The following SLIT1 variants were observed in gnomAD, a reference collection of about 807,000 sequenced individuals.
SLIT1 encodes the protein slit guidance ligand 1, also known as slit homolog 1 protein.
A neutral mutation model predicts 186.1 loss-of-function variants in SLIT1; 66 were observed. That is an observed-to-expected ratio of 0.35 (90% CI 0.29 to 0.44). The LOEUF is 0.44. Ranked by LOEUF, SLIT1 falls within the 20% of genes least tolerant of loss-of-function variation. The probability of loss-of-function intolerance (pLI) is 1.00; values close to 1 mark genes in which losing one functional copy is unlikely to be tolerated. For synonymous variants in SLIT1, 761 were observed against 833.8 expected, an observed-to-expected ratio of 0.91 and a Z score of 1.50; for missense variants, 1,638 against 2,037.4, an observed-to-expected ratio of 0.80 and a Z score of 3.77.
chr10:97,116,370 G>T (rs1315670271), intron 4 of SLIT1, among the ~76,000 whole-genome samples: 1 of 152,136 alleles, frequency 6.6e-6, no homozygotes, highest in Non-Finnish European at 1.5e-5. Context: ...AGGATTCCAG[G>T]TTCTTCCTCC....
chr10:97,146,565 C>CCT (rs1554853594), intron 4 of SLIT1, among the ~76,000 whole-genome samples: 116 of 151,906 alleles, frequency 7.6e-4, no homozygotes, highest in African/African-American at 2.6e-3. Context: ...CCCAGCCCCC[C>CCT]CCACTGAACA....
At chr10:97,011,745 A>G (rs960651717) in intron 30 of SLIT1, among the ~76,000 whole-genome samples, 1 of 151,980 alleles carries the variant, frequency 6.6e-6, no homozygotes, top group Non-Finnish European at 1.5e-5. Context: ...CCTTTCTAGT[A>G]ATGGCCTTGC....
At chr10:97,033,241 G>A (rs531468677) in intron 23 of SLIT1, among the ~76,000 whole-genome samples, 1 of 151,944 alleles carries the variant, frequency 6.6e-6, no homozygotes, top group Non-Finnish European at 1.5e-5. Flanking sequence ...TTTTGGCTTG[G>A]GCCCACATTC....
In SLIT1 at chr10:97,043,815, C is replaced by T. The variant is rs952672292; in HGVS notation, c.1854-302G>A. ...GCCCTGGGTGCCCAGAGTTCCTGCC[C>T]GTCTTTAGGCCATGCTCCACATCAG... is the stretch of plus-strand genomic sequence containing the variant. On this transcript the variant is annotated intron_variant, in intron 18 of 36. Transcript: ENST00000266058. This position sits in a 1 kb window ranked among gnomAD's most constrained non-coding sequence, Gnocchi z 7.0. 2.0e-5 allele frequency among the ~76,000 whole-genome samples: 3 copies of T among 152,210 alleles called. No homozygotes were observed. Among genetic ancestry groups the T allele is most frequent in the East Asian group, 1.9e-4 (1 of 5,198 alleles).
At chr10:97,154,729 C>G (rs931956699) in intron 4 of SLIT1, 4 of 152,244 alleles carry the variant, frequency 2.6e-5, no homozygotes, top group African/African-American at 9.6e-5. Context: ...TTCTGCCTCC[C>G]AGCCCCATAG....
At chr10:97,059,568 CCCT>C in intron 10 of SLIT1, 37 bp from the exon 11 acceptor site, 1 of 1,518,002 alleles carries the variant, frequency 6.6e-7, no homozygotes, top group Non-Finnish European at 9.1e-7. Context: ...GCATCTGAAT[CCCT>C]CAACAGCCAC....
intron 14 of SLIT1, 143 bp downstream of exon 14, chr10:97,048,812 C>G: frequency 1.3e-6 from 1 of 763,902 alleles, no homozygotes; most frequent in Non-Finnish European, 2.2e-6. Flanking sequence ...GGCAGGTATG[C>G]AGGTGGACAG....
intron 4 of SLIT1, among the ~76,000 whole-genome samples, chr10:97,151,102 T>C (rs1039606800): frequency 5.3e-5 from 8 of 152,102 alleles, no homozygotes; most frequent in African/African-American, 1.9e-4. Flanking sequence ...CAAAGAGCAC[T>C]GATGACAGAC....
At chr10:97,011,224 C>T in intron 30 of SLIT1, 94 bp from the exon 31 acceptor site, 2 of 839,300 alleles carry the variant, frequency 2.4e-6, no homozygotes, top group Non-Finnish European at 3.9e-6. Flanking sequence ...ACAGTCTGTA[C>T]ATGTGAGGGA....
At chr10:97,019,706 C>T (rs1848486314) in intron 26 of SLIT1, among the ~76,000 whole-genome samples, 1 of 152,158 alleles carries the variant, frequency 6.6e-6, no homozygotes, top group Non-Finnish European at 1.5e-5. Flanking sequence ...CTCCAGGATG[C>T]ACTGGTTGTA....
intron 13 of SLIT1, 117 bp downstream of exon 13, chr10:97,056,204 G>T: frequency 1.7e-6 from 2 of 1,146,058 alleles, no homozygotes; most frequent in East Asian, 2.5e-5. Context: ...TCTGTAAGAG[G>T]CCACCCCCAG....
At chr10:97,140,046 G>A (rs960604160) in intron 4 of SLIT1, among the ~76,000 whole-genome samples, 2 of 152,112 alleles carry the variant, frequency 1.3e-5, no homozygotes, top group African/African-American at 4.8e-5. Context: ...CTTGCAGGGT[G>A]ATGAAACCCC....
intron 1 of SLIT1, among the ~76,000 whole-genome samples, chr10:97,171,209 AAG>A (rs374636269): frequency 6.6e-6 from 1 of 152,246 alleles, no homozygotes; most frequent in African/African-American, 2.4e-5. Flanking sequence ...AAACGGAGGA[AAG>A]AAAGAACTTC....
chr10:97,009,180 C>T (rs1294246434), intron 31 of SLIT1, among the ~76,000 whole-genome samples: 6 of 152,052 alleles, frequency 3.9e-5, no homozygotes, highest in Non-Finnish European at 8.8e-5. Flanking sequence ...CCCAGCCAGC[C>T]AAAACAATCT....
chr10:97,034,376 C>T (rs931984734), intron 23 of SLIT1, 95 bp downstream of exon 23: 34 of 890,818 alleles, frequency 3.8e-5, no homozygotes, highest in African/African-American at 3.6e-4. Flanking sequence ...CGTCTGCAGG[C>T]GAGGGATCTG....
intron 4 of SLIT1, among the ~76,000 whole-genome samples, chr10:97,152,693 G>C (rs79669721): frequency 6.6e-6 from 1 of 152,072 alleles, no homozygotes; most frequent in African/African-American, 2.4e-5. Context: ...TACCGTAAAC[G>C]TAACACATGC....
At chr10:97,169,267 G>A (rs1247517612) in intron 1 of SLIT1, among the ~76,000 whole-genome samples, 1 of 152,162 alleles carries the variant, frequency 6.6e-6, no homozygotes, top group African/African-American at 2.4e-5. Flanking sequence ...TCCTCTCAGG[G>A]GAGAGCCCCT....
chr10:97,185,193 G>A (rs1850394414), intron 1 of SLIT1, among the ~76,000 whole-genome samples: 1 of 152,268 alleles, frequency 6.6e-6, no homozygotes, highest in African/African-American at 2.4e-5. Flanking sequence ...ATAAAGCGCT[G>A]GCGCAGTGAG....
chr10:97,168,076 G>T (rs1390012442), intron 1 of SLIT1, among the ~76,000 whole-genome samples: 7 of 152,170 alleles, frequency 4.6e-5, no homozygotes, highest in African/African-American at 1.7e-4. Flanking sequence ...ATGAGCTGGG[G>T]GCTGCATGCC....
Sources: gnomAD v4.1 joint callset for allele counts (sites outside exome capture counted in the v4.1 genomes callset) on GRCh38, gnomAD v4.1.1 for gene constraint, Gnocchi (gnomAD v3.1) non-coding constraint, MANE v1.5 for transcripts, NCBI Gene and HGNC (gene_info 2026-07-23, HGNC 2026-07-21) for gene names.